MYH4: variants seen among roughly 807,000 people sequenced by gnomAD.
MYH4 encodes myosin-4.
MYH4 carries 200 observed loss-of-function variants against 229.9 expected under a neutral mutation model. The ratio of observed to expected loss-of-function variants is 0.87; its 90% CI spans 0.78 to 0.98. The LOEUF (loss-of-function observed/expected upper bound fraction) is 0.98, where lower values mean the gene tolerates loss of function less well. Ranked by LOEUF, MYH4 falls within the 50% of genes least tolerant of loss-of-function variation. The probability of loss-of-function intolerance (pLI) is 0.00; values close to 1 mark genes in which losing one functional copy is unlikely to be tolerated. For synonymous variants in MYH4, 761 were observed against 834.6 expected (o/e 0.91, Z 1.52); for missense variants, 2,148 against 2,332.6 (o/e 0.92, Z 1.63).
intron 7 of MYH4, 65 bp from the exon 8 acceptor site, chr17:10,463,708 T>A (rs2072728782): frequency 7.7e-7 from 1 of 1,298,852 alleles, no homozygotes; most frequent in Non-Finnish European, 1.1e-6. Context: ...CATTGACCTC[T>A]TTCCCTTCCC....
rs745558442 is a variant in MYH4, at chr17:10,463,124, A to T, written c.870T>A (p.Tyr290Ter). Residue 290 changes from tyrosine (Y) to a stop codon, truncating the protein, a stop_gained, in exon 10 of 40, where the codon TAT becomes TAA. Transcript: ENST00000255381. LOFTEE classifies it high-confidence loss of function. Reference protein sequence around the residue: ...LKAERSYHIFYQILSNKKPEL... With the variant: ...LKAERSYHIF ...CTGGTTTCTTATTGGACAGGATTTG[A>T]TAAAATATGTGGTAGCTTCTTTCAG... The T allele has an allele frequency of 1.2e-6, 2 of 1,613,688 alleles. No homozygotes were observed. Among genetic ancestry groups the T allele is most frequent in the South Asian group, 2.2e-5 (2 of 91,064 alleles).
At position 10,466,776 on chromosome 17, in the gene MYH4, T is replaced by C. The variant is rs762132216; in HGVS notation, c.-31A>G. ...CAGGTTATTGATGGCAGTACTGGAC[T>C]AGGTATACCTAGAGGAAGAAACAGA... On this transcript the variant is annotated 5_prime_UTR_variant, in exon 3 of 40. Coordinates refer to ENST00000255381, the MANE Select transcript of MYH4 (RefSeq NM_017533.2). 13 of 1,611,754 alleles carry C rather than the reference T, an allele frequency of 8.1e-6. No individual in the cohort carries two copies. The highest frequency in any genetic ancestry group is 1.1e-5 in the Non-Finnish European group (13 of 1,177,974).
chr17:10,444,871 C>G lies in MYH4; in HGVS notation c.5495G>C (p.Ser1832Thr), dbSNP rs1306670937. Residue 1832 changes from serine (S) to threonine (T), a missense_variant, in exon 38 of 40, where the codon AGT becomes ACT. Coordinates refer to ENST00000255381, the MANE Select transcript of MYH4 (RefSeq NM_017533.2). ...RVRELESEVESEQKHNVEAVK... is the reference protein window; with the variant it reads ...RVRELESEVETEQKHNVEAVK... ...AGCCTCAACATTGTGCTTCTGTTCACTTTCCACCTCACTTTCAAGCTCTCT... is the reference window on the plus strand; with the variant it reads ...AGCCTCAACATTGTGCTTCTGTTCAGTTTCCACCTCACTTTCAAGCTCTCT... The G allele has an allele frequency of 1.9e-6, 3 of 1,614,048 alleles. No homozygotes were observed. Among genetic ancestry groups the G allele is most frequent in the Non-Finnish European group, 2.5e-6 (3 of 1,180,040 alleles).
chr17:10,456,152 G>A (rs1465145840), intron 17 of MYH4, among the ~76,000 whole-genome samples: 2 of 152,192 alleles, frequency 1.3e-5, no homozygotes, highest in Admixed American at 6.5e-5. Flanking sequence ...TTTGTCACAT[G>A]AAGGAGATGT....
In MYH4 at chr17:10,453,742, C is replaced by G; in HGVS notation, c.2835G>C (p.Arg945Ser). 6.2e-7 allele frequency: 1 copy of G among 1,614,074 alleles called. No homozygotes were observed. Among genetic ancestry groups the G allele is most frequent in the Non-Finnish European group, 8.5e-7 (1 of 1,180,004 alleles). The change falls in exon 23 of 40, where the codon AGG becomes AGC. Residue 945 changes from arginine (R) to serine (S), a missense_variant. Arg to Ser is a moderately radical substitution (Grantham distance 110, BLOSUM62 -1). Coordinates refer to ENST00000255381, the MANE Select transcript of MYH4 (RefSeq NM_017533.2). Reference sequence around the variant, plus strand: ...GCTCTGAACATTCATCCTCCAGTTTCCTCTTCTTGGCTGTCAGCTCAGCAT... The same window carrying G: ...GCTCTGAACATTCATCCTCCAGTTTGCTCTTCTTGGCTGTCAGCTCAGCAT... The part of the protein sequence containing the change: ...EINAELTAKK[R>S]KLEDECSELK...
At chr17:10,450,930 T>C in intron 28 of MYH4, 35 bp from the exon 29 acceptor site, 2 of 1,495,574 alleles carry the variant, frequency 1.3e-6, no homozygotes, top group Non-Finnish European at 1.9e-6. Context: ...TTTAGTTCTG[T>C]TGTCTAGGTA....
rs1403812184 is a variant in MYH4 at position 10,465,591 on chromosome 17, G to T, written c.356C>A (p.Ser119Ter). 6.2e-7 allele frequency: 1 copy of T among 1,613,906 alleles called. No individual in the cohort carries two copies. Among genetic ancestry groups the T allele is most frequent in the African/African-American group, 1.3e-5 (1 of 74,894 alleles). The change falls in exon 5 of 40, where the codon TCG (serine) becomes TAG (stop). Residue 119 changes from serine to a stop codon, truncating the protein, a stop_gained. Coordinates refer to ENST00000255381, the MANE Select transcript of MYH4 (RefSeq NM_017533.2). LOFTEE classifies it high-confidence loss of function. ...RYAAWMIYTYSGLFCVTVNPY... is the reference protein window; with the variant it reads ...RYAAWMIYTY ...GTTGACGGTGACACAGAAGAGGCCC[G>T]AGTAGGTCTGTGGGAAAGGACGGGG... is the stretch of plus-strand genomic sequence containing the variant.
chr17:10,459,243 A>G lies in MYH4; in HGVS notation c.1587+8T>C, dbSNP rs369918430. On this transcript the variant is annotated splice_region_variant and intron_variant, in intron 15 of 39. Coordinates refer to ENST00000255381, the MANE Select transcript of MYH4 (RefSeq NM_017533.2). ...TCATGTTTTGAAAGCTAGAAAAGTC[A>G]TATGAACCTTCTCGATGAGCTCGAT... 2.4e-4 allele frequency: 391 copies of G among 1,614,042 alleles called. No individual in the cohort carries two copies. Among genetic ancestry groups the G allele is most frequent in the Middle Eastern group, 5.0e-4 (3 of 6,058 alleles).
At position 10,452,040 on chromosome 17, in the gene MYH4, GC is replaced by G. The variant is rs1406339672; in HGVS notation, c.3638del (p.Ser1213ThrfsTer16). 1.9e-6 allele frequency: 3 copies of G among 1,613,676 alleles called. No homozygotes were observed. The highest frequency in any genetic ancestry group is 2.5e-6 in the Non-Finnish European group (3 of 1,179,916). On this transcript the variant is annotated frameshift_variant, in exon 27 of 40. Transcript: ENST00000255381. LOFTEE classifies it high-confidence loss of function. The stretch of plus-strand genomic sequence containing the variant: ...CCAGCTTCTGCTTGACCCGCTGAAG[GC>G]TGTCAATCTGCTCCCCAAGCTCAGC... Reference protein sequence around the residue: ...SVAELGEQIDSLQRVKQKLEK... With the variant: ...SVAELGEQIDXLQRVKQKLEK...
Position 10,453,795 on chromosome 17 carries a change from C to T in MYH4, c.2782G>A (p.Glu928Lys). ...QLEAKIKEVT[E>K]RAEDEEEINA... is the part of the protein sequence containing the mutation. ...ATCTCTTCCTCATCCTCAGCTCTTT[C>T]AGTTACCTCTTTGATTTTGGCCTCA... Residue 928 changes from glutamate to lysine, a missense_variant, in exon 23 of 40, where the codon GAA becomes AAA. Physicochemically the swap from Glu to Lys is moderately conservative, Grantham distance 56. Transcript: ENST00000255381. 3 of 1,614,094 alleles carry T rather than the reference C, an allele frequency of 1.9e-6. No individual in the cohort carries two copies. The highest frequency in any genetic ancestry group is 2.5e-6 in the Non-Finnish European group (3 of 1,180,004).
intron 14 of MYH4, 148 bp downstream of exon 14, chr17:10,459,804 T>C (rs2072680911): frequency 6.9e-7 from 1 of 1,445,422 alleles, no homozygotes; most frequent in Non-Finnish European, 9.4e-7. Context: ...TTCCTATTTA[T>C]ACCTATTTAC....
At chr17:10,461,741 T>C (rs901088220) in intron 11 of MYH4, among the ~76,000 whole-genome samples, 2 of 152,226 alleles carry the variant, frequency 1.3e-5, no homozygotes, top group African/African-American at 4.8e-5. Context: ...GTCTTTTTTC[T>C]CTATCGAATT....
chr17:10,458,832 A>G (rs1233275210), intron 15 of MYH4, among the ~76,000 whole-genome samples: 1 of 152,182 alleles, frequency 6.6e-6, no homozygotes, highest in South Asian at 2.1e-4. Flanking sequence ...TGAAGGACTA[A>G]CCTTCCAATC....
At chr17:10,445,699 CAT>C (rs1315939982) in intron 35 of MYH4, among the ~76,000 whole-genome samples, 1 of 152,086 alleles carries the variant, frequency 6.6e-6, no homozygotes, top group Non-Finnish European at 1.5e-5. Flanking sequence ...GCTATTAACT[CAT>C]GTTGGTTGAC....
At chr17:10,447,332 C>A (rs372326986) in intron 34 of MYH4, 116 bp from the exon 35 acceptor site, 2 of 773,682 alleles carry the variant, frequency 2.6e-6, no homozygotes, top group Non-Finnish European at 2.0e-6. Flanking sequence ...TAGGAGCAAT[C>A]GGCAAGTACC....
Position 10,466,733 on chromosome 17 carries a change from A to T in MYH4, c.13T>A (p.Ser5Thr), listed in dbSNP as rs1449931934. The T allele has an allele frequency of 1.2e-6, 2 of 1,614,244 alleles. No homozygotes were observed. The highest frequency in any genetic ancestry group is 3.3e-5 in the Admixed American group (2 of 60,026). Residue 5 changes from serine to threonine, a missense_variant, in exon 3 of 40, where the codon TCT becomes ACT. Transcript: ENST00000255381. MSSD[S>T]EMAIFGEAAP... is the part of the protein sequence containing the mutation. ...GCCTCCCCAAAAATGGCCATCTCAGAGTCAGAACTCATGGCTGCAGGTTAT... is the reference window on the plus strand; with the variant it reads ...GCCTCCCCAAAAATGGCCATCTCAGTGTCAGAACTCATGGCTGCAGGTTAT...
chr17:10,450,352 C>T, intron 30 of MYH4, 101 bp downstream of exon 30: 1 of 1,578,148 alleles, frequency 6.3e-7, no homozygotes, highest in South Asian at 1.1e-5. Flanking sequence ...AAGCTGAAGT[C>T]TTTCATGTGT....
rs117135002 is a variant in MYH4, at chr17:10,449,646, T to C, written c.4182-599A>G. ...ATGAGGAAACTGCGGCCCAGAGTGA[T>C]ATGTTCAAGGTCATACAATGAATCA... On this transcript the variant is annotated intron_variant, in intron 30 of 39. Transcript: ENST00000255381. Among the ~76,000 whole-genome samples, 130 of 152,314 alleles carry C rather than the reference T, an allele frequency of 8.5e-4. 1 individual carries two copies. In the East Asian group the frequency reaches 0.024, roughly 28 times the overall value.
intron 5 of MYH4, among the ~76,000 whole-genome samples, chr17:10,464,942 T>C (rs1210470882): frequency 2.0e-5 from 3 of 152,232 alleles, no homozygotes; most frequent in Non-Finnish European, 2.9e-5. Flanking sequence ...ATTTTACCAT[T>C]TTGTCCATGA....
Sources: allele counts gnomAD v4.1 joint callset (sites outside exome capture counted in the v4.1 genomes callset), GRCh38; gene constraint gnomAD v4.1.1; transcripts MANE v1.5; gene names NCBI Gene and HGNC (gene_info 2026-07-23, HGNC 2026-07-21).